The following ANKRD44 variants were observed in gnomAD, a reference collection of about 807,000 sequenced individuals.
The protein encoded by ANKRD44 is serine/threonine-protein phosphatase 6 regulatory ankyrin repeat subunit B.
In ANKRD44, 35 loss-of-function variants were observed where a neutral mutation model predicts 116.0. The observed-to-expected ratio is 0.30, with a 90% CI of 0.23 to 0.40. The LOEUF (loss-of-function observed/expected upper bound fraction) is 0.40. Among genes scored for constraint, ANKRD44 ranks in the 10% least tolerant of loss-of-function variants. The probability of loss-of-function intolerance (pLI) is 1.00; values close to 1 mark genes in which losing one functional copy is unlikely to be tolerated. For synonymous variants in ANKRD44, 435 were observed against 461.8 expected (o/e 0.94, Z 0.74); for missense variants, 1,014 against 1,242.6 (o/e 0.82, Z 2.77).
At chr2:197,085,581 C>G (rs948971003) in intron 13 of ANKRD44, among the ~76,000 whole-genome samples, 8 of 152,190 alleles carry the variant, frequency 5.3e-5, no homozygotes, top group Admixed American at 2.6e-4. Context: ...GGAATGACCT[C>G]TGGTCATCCT....
intron 9 of ANKRD44, among the ~76,000 whole-genome samples, chr2:197,104,259 TA>T (rs541204721): frequency 2.3e-3 from 350 of 152,304 alleles, no homozygotes; most frequent in Non-Finnish European, 4.0e-3. Context: ...GAGCTGGGAT[TA>T]CAGGTGCTTG....
intron 1 of ANKRD44, chr2:197,296,219 T>C (rs1035011283): frequency 6.6e-6 from 1 of 152,130 alleles, no homozygotes; most frequent in Non-Finnish European, 1.5e-5. Flanking sequence ...TCCCACTGTG[T>C]AAAATAATTT....
intron 1 of ANKRD44, among the ~76,000 whole-genome samples, chr2:197,293,483 A>C (rs2083627966): frequency 6.6e-6 from 1 of 152,250 alleles, no homozygotes; most frequent in African/African-American, 2.4e-5. Context: ...GAAAGAGTTC[A>C]TTAAACATAT....
At chr2:196,967,751 C>G (rs1382600682) in intron 21 of ANKRD44, among the ~76,000 whole-genome samples, 1 of 152,162 alleles carries the variant, frequency 6.6e-6, no homozygotes, top group Non-Finnish European at 1.5e-5. Flanking sequence ...GAAATGCTGT[C>G]ATTAAGAATC....
At chr2:197,063,921 C>G (rs1284891970) in intron 16 of ANKRD44, among the ~76,000 whole-genome samples, 1 of 152,108 alleles carries the variant, frequency 6.6e-6, no homozygotes, top group African/African-American at 2.4e-5. Context: ...GCAAGGCAGG[C>G]CAACATTCAA....
chr2:197,235,614 T>TG (rs1553537976), intron 1 of ANKRD44, among the ~76,000 whole-genome samples: 3 of 100,942 alleles, frequency 3.0e-5, no homozygotes, highest in Non-Finnish European at 4.1e-5. Flanking sequence ...AGACTCTGTC[T>TG]AAAAAAAAAA....
intron 18 of ANKRD44, among the ~76,000 whole-genome samples, chr2:197,010,079 G>A (rs755188446): frequency 6.6e-5 from 10 of 152,082 alleles, no homozygotes; most frequent in Non-Finnish European, 1.5e-4. Flanking sequence ...AGGAAGGAAG[G>A]AGAGAAGTGG....
intron 2 of ANKRD44, among the ~76,000 whole-genome samples, chr2:197,172,097 G>A (rs990246661): frequency 6.8e-6 from 1 of 148,112 alleles, no homozygotes; most frequent in East Asian, 2.0e-4. Context: ...ACCTCCCAGC[G>A]TCAAGTAATT....
At chr2:197,028,875 C>T in intron 16 of ANKRD44, 1 of 180,284 alleles carries the variant, frequency 5.5e-6, no homozygotes, top group Non-Finnish European at 1.1e-5. Flanking sequence ...AGGCGTCTTC[C>T]TACAACCCCT....
At chr2:197,157,237 G>C (rs1178973957) in intron 2 of ANKRD44, among the ~76,000 whole-genome samples, 2 of 152,172 alleles carry the variant, frequency 1.3e-5, no homozygotes, top group East Asian at 3.8e-4. Context: ...TCAGTTAATA[G>C]AAGAAAAGAA....
intron 2 of ANKRD44, among the ~76,000 whole-genome samples, chr2:197,174,054 C>T (rs536171875): frequency 6.6e-6 from 1 of 152,160 alleles, no homozygotes; most frequent in African/African-American, 2.4e-5. Flanking sequence ...AATAAATAAA[C>T]AAACAAACAA....
chr2:196,989,172 A>G lies in ANKRD44; in HGVS notation c.*419T>C. 2.0e-6 allele frequency: 2 copies of G among 983,552 alleles called. No homozygotes were observed. Among genetic ancestry groups the G allele is most frequent in the Non-Finnish European group, 2.4e-6 (2 of 828,366 alleles). 60.9% of individuals were successfully genotyped at this position (983,552 alleles called of 1,614,324 possible). A position where few individuals can be genotyped will look rare whatever the true frequency, so the allele number is the denominator to read the frequency against. On this transcript the variant is annotated 3_prime_UTR_variant, in exon 28 of 28. Transcript: ENST00000282272. Reference sequence around the variant, plus strand: ...GTTATTCTAAATAAGATACATAGCAATTAAAATAGAGAACAAATAATGGAT... The same window carrying G: ...GTTATTCTAAATAAGATACATAGCAGTTAAAATAGAGAACAAATAATGGAT...
intron 3 of ANKRD44, among the ~76,000 whole-genome samples, chr2:197,145,789 A>G (rs2079485979): frequency 6.6e-6 from 1 of 152,038 alleles, no homozygotes; most frequent in Non-Finnish European, 1.5e-5. Flanking sequence ...CTCAGCTCCT[A>G]CCTCTGCAGA....
At chr2:196,973,807 A>G (rs1468896148) in intron 21 of ANKRD44, among the ~76,000 whole-genome samples, 1 of 152,186 alleles carries the variant, frequency 6.6e-6, no homozygotes, top group Non-Finnish European at 1.5e-5. Context: ...ATGATTTCCT[A>G]TTGCATTCTA....
chr2:197,213,713 A>G (rs1249199700), intron 1 of ANKRD44, among the ~76,000 whole-genome samples: 1 of 152,236 alleles, frequency 6.6e-6, no homozygotes, highest in Admixed American at 6.5e-5. Context: ...AGACTGGCTC[A>G]TACAATCTGG....
At chr2:197,222,163 C>T (rs1048101877) in intron 1 of ANKRD44, among the ~76,000 whole-genome samples, 1 of 152,200 alleles carries the variant, frequency 6.6e-6, no homozygotes, top group Non-Finnish European at 1.5e-5. Context: ...ACTGTGATAA[C>T]TGCCCTGTGT....
intron 25 of ANKRD44, among the ~76,000 whole-genome samples, chr2:196,996,687 G>A (rs984069382): frequency 3.3e-5 from 5 of 152,068 alleles, no homozygotes; most frequent in Admixed American, 1.3e-4. Flanking sequence ...GGCGGATCAC[G>A]AGGTCAGGAG....
intron 21 of ANKRD44, among the ~76,000 whole-genome samples, chr2:196,976,999 T>A (rs1456381122): frequency 2.6e-5 from 4 of 152,146 alleles, no homozygotes; most frequent in Admixed American, 2.6e-4. Flanking sequence ...ACGATCAATT[T>A]TTAAAAAACA....
intron 21 of ANKRD44, among the ~76,000 whole-genome samples, chr2:196,980,352 G>A (rs936646885): frequency 6.6e-6 from 1 of 152,128 alleles, no homozygotes; most frequent in African/African-American, 2.4e-5. Context: ...AAAACAGTAA[G>A]GAGTAAATTT....
Sources: gnomAD v4.1 joint callset for allele counts (sites outside exome capture counted in the v4.1 genomes callset) on GRCh38, gnomAD v4.1.1 for gene constraint, MANE v1.5 for transcripts, NCBI Gene and HGNC (gene_info 2026-07-23, HGNC 2026-07-21) for gene names.